Variants in PIGL observed in about 807,000 individuals in gnomAD.
PIGL encodes the protein phosphatidylinositol glycan anchor biosynthesis class L.
PIGL carries 22 observed loss-of-function variants against 31.1 expected under a neutral mutation model. That is an observed-to-expected ratio of 0.71 (90% CI 0.51 to 1.01). The LOEUF (loss-of-function observed/expected upper bound fraction) is 1.01. PIGL is among the 50% of genes least tolerant of loss of function. The pLI is 0.00. For synonymous variants in PIGL, 131 were observed against 117.4 expected, an observed-to-expected ratio of 1.12 and a Z score of -0.75; for missense variants, 302 against 315.9, an observed-to-expected ratio of 0.96 and a Z score of 0.33.
At chr17:16,325,332 C>CAAAAAAAAAAAAAAAAAAAAAAAAAAA in intron 6 of PIGL, among the ~76,000 whole-genome samples, 1 of 69,278 alleles carries the variant, frequency 1.4e-5, no homozygotes, top group Non-Finnish European at 2.7e-5. Context: ...GCAACAGGCT[C>CAAAAAAAAAAAAAAAAAAAAAAAAAAA]AAAAAAAAAA....
At chr17:16,323,872 C>T (rs927692768) in intron 6 of PIGL, among the ~76,000 whole-genome samples, 1 of 151,976 alleles carries the variant, frequency 6.6e-6, no homozygotes, top group Non-Finnish European at 1.5e-5. Flanking sequence ...ACAACTCAGC[C>T]TCCCAAAGTG....
chr17:16,301,388 C>T (rs2093003852), intron 3 of PIGL, among the ~76,000 whole-genome samples: 1 of 151,542 alleles, frequency 6.6e-6, no homozygotes, highest in African/African-American at 2.4e-5. Flanking sequence ...CCTCAGCCTC[C>T]TGAGTAGCTG....
chr17:16,236,496 CTT>C (rs772431728), intron 2 of PIGL, among the ~76,000 whole-genome samples: 13 of 152,238 alleles, frequency 8.5e-5, no homozygotes, highest in Non-Finnish European at 1.5e-4. Flanking sequence ...TCCAAAGAGC[CTT>C]TGTTTGTCTT....
intron 3 of PIGL, among the ~76,000 whole-genome samples, chr17:16,312,150 C>A (rs1287651702): frequency 2.7e-5 from 4 of 148,804 alleles, no homozygotes; most frequent in Non-Finnish European, 6.0e-5. Context: ...CAGCCCCCCA[C>A]CTCCCTCCCG....
At position 16,281,240 on chromosome 17, in the gene PIGL, C is replaced by T. The variant is rs929736517; in HGVS notation, c.336-18648C>T. Among the ~76,000 whole-genome samples the T allele has an allele frequency of 4.6e-5, 7 of 152,140 alleles. No homozygotes were observed. The East Asian group carries it at 9.6e-4, about 21-fold the overall frequency. On this transcript the variant is annotated intron_variant, in intron 2 of 6. Coordinates refer to ENST00000225609, the MANE Select transcript of PIGL (RefSeq NM_004278.4). ...GGATTTGTGGACCTCAATTGGAAAA[C>T]ATTGCTGTAGAACAGTAGTTCATTT...
intron 3 of PIGL, among the ~76,000 whole-genome samples, chr17:16,310,719 T>G (rs2093045628): frequency 6.6e-6 from 1 of 152,130 alleles, no homozygotes; most frequent in Admixed American, 6.5e-5. Context: ...GTATTTTTAG[T>G]AGAGAGGGTT....
At chr17:16,245,656 G>C (rs1568792254) in intron 2 of PIGL, among the ~76,000 whole-genome samples, 1 of 150,806 alleles carries the variant, frequency 6.6e-6, no homozygotes, top group Non-Finnish European at 1.5e-5. Context: ...GCCCGCCTCA[G>C]CCCTCCAAAA....
intron 2 of PIGL, among the ~76,000 whole-genome samples, chr17:16,266,388 CAAA>C (rs60708474): frequency 5.6e-5 from 4 of 72,046 alleles, no homozygotes; most frequent in African/African-American, 5.0e-5. Context: ...GACTCCATCT[CAAA>C]AAAAAAAAAA....
intron 6 of PIGL, among the ~76,000 whole-genome samples, chr17:16,318,191 G>T (rs150850662): frequency 7.1e-4 from 108 of 151,160 alleles, no homozygotes; most frequent in African/African-American, 2.5e-3. Context: ...GCATCAAAAA[G>T]AAAATAAAAA....
In PIGL at chr17:16,233,991, G is replaced by C. The variant is rs764862840; in HGVS notation, c.256G>C (p.Glu86Gln). Reference sequence around the variant, plus strand: ...CTCAGGAAATTACTACAATCAAGGAGAGACTCGTAAGAAAGAACTTTTGCA... The same window carrying C: ...CTCAGGAAATTACTACAATCAAGGACAGACTCGTAAGAAAGAACTTTTGCA... The part of the protein sequence containing the change: ...FSAGNYYNQG[E>Q]TRKKELLQSC... The change falls in exon 2 of 7, where the codon GAG becomes CAG. Residue 86 changes from glutamate to glutamine, a missense_variant. Physicochemically the swap from Glu to Gln is conservative, Grantham distance 29. Coordinates refer to ENST00000225609, the MANE Select transcript of PIGL (RefSeq NM_004278.4). The C allele has an allele frequency of 3.1e-6, 5 of 1,607,514 alleles. No homozygotes were observed. Among genetic ancestry groups the C allele is most frequent in the Non-Finnish European group, 4.3e-6 (5 of 1,174,342 alleles).
intron 1 of PIGL, among the ~76,000 whole-genome samples, chr17:16,222,726 A>AAGAGGCC (rs1452820980): frequency 6.6e-6 from 1 of 151,976 alleles, no homozygotes; most frequent in African/African-American, 2.4e-5. Context: ...AAAAAAAAAA[A>AAGAGGCC]AGAGGCCAGG....
chr17:16,306,181 C>T (rs1489709009), intron 3 of PIGL, among the ~76,000 whole-genome samples: 2 of 152,084 alleles, frequency 1.3e-5, no homozygotes, highest in African/African-American at 4.8e-5. Flanking sequence ...GAACTCCTGA[C>T]CTCGAGATCC....
intron 1 of PIGL, among the ~76,000 whole-genome samples, chr17:16,226,659 G>T (rs887267425): frequency 6.6e-6 from 1 of 152,134 alleles, no homozygotes; most frequent in Non-Finnish European, 1.5e-5. Flanking sequence ...TTCTTAGGGG[G>T]TGACATTTTT....
chr17:16,238,707 G>A (rs368262159), intron 2 of PIGL, among the ~76,000 whole-genome samples: 63 of 149,750 alleles, frequency 4.2e-4, no homozygotes, highest in Non-Finnish European at 6.8e-4. Context: ...TCAGGAGTTC[G>A]AGACCATCCT....
chr17:16,267,307 T>C (rs2092848347), intron 2 of PIGL, among the ~76,000 whole-genome samples: 2 of 152,080 alleles, frequency 1.3e-5, no homozygotes, highest in Admixed American at 1.3e-4. Context: ...TGTCTTCACA[T>C]TGAGTAGGCT....
Position 16,234,050 on chromosome 17 carries a change from T to A in PIGL, c.315T>A (p.Ser105Arg), listed in dbSNP as rs1332655404. 6.3e-7 allele frequency: 1 copy of A among 1,586,390 alleles called. No homozygotes were observed. Among genetic ancestry groups the A allele is most frequent in the Non-Finnish European group, 8.7e-7 (1 of 1,155,202 alleles). Residue 105 changes from serine to arginine, a missense_variant, in exon 2 of 7, where the codon AGT becomes AGA. Transcript: ENST00000225609. ...ATGTTTTGGGGATTCCACTCTCCAG[T>A]GTAATGATTATTGACAACAGGTAAT... ...SCDVLGIPLS[S>R]VMIIDNRDFP...
At chr17:16,261,526 A>G (rs2092819209) in intron 2 of PIGL, among the ~76,000 whole-genome samples, 1 of 152,252 alleles carries the variant, frequency 6.6e-6, no homozygotes, top group South Asian at 2.1e-4. Context: ...ATAGCTCATC[A>G]GGGATTGATA....
chr17:16,222,485 T>C (rs1327051323), intron 1 of PIGL, among the ~76,000 whole-genome samples: 1 of 152,020 alleles, frequency 6.6e-6, no homozygotes, highest in Non-Finnish European at 1.5e-5. Context: ...TAGGTACTAT[T>C]GTTTTTTCCA....
chr17:16,310,831 G>C (rs1290831600), intron 3 of PIGL, among the ~76,000 whole-genome samples: 2 of 152,152 alleles, frequency 1.3e-5, no homozygotes, highest in Admixed American at 1.3e-4. Flanking sequence ...CTGCAGCGTA[G>C]CACGCCTTCT....
Sources: allele counts gnomAD v4.1 joint callset (sites outside exome capture counted in the v4.1 genomes callset), GRCh38; gene constraint gnomAD v4.1.1; transcripts MANE v1.5; gene names NCBI Gene and HGNC (gene_info 2026-07-23, HGNC 2026-07-21).